The following TRPC7 variants were observed in gnomAD, a reference collection of about 807,000 sequenced individuals.
TRPC7 encodes the protein short transient receptor potential channel 7.
TRPC7 carries 42 observed loss-of-function variants against 90.1 expected under a neutral mutation model. The observed-to-expected ratio is 0.47, with a 90% confidence interval of 0.36 to 0.60. TRPC7 has a LOEUF of 0.60. Ranked by LOEUF, TRPC7 falls within the 20% of genes least tolerant of loss-of-function variation. The probability of loss-of-function intolerance (pLI) is 0.00; values close to 1 mark genes in which losing one functional copy is unlikely to be tolerated. For synonymous variants in TRPC7, 451 were observed against 436.3 expected, an observed-to-expected ratio of 1.03 and a Z score of -0.42; for missense variants, 955 against 1,112.3, an observed-to-expected ratio of 0.86 and a Z score of 2.01.
rs117598324 is a variant in TRPC7 at position 136,225,853 on chromosome 5, C to A, written c.2262+181G>T. Among the ~76,000 whole-genome samples the A allele has an allele frequency of 9.9e-5, 15 of 152,182 alleles. No individual in the cohort carries two copies. In the East Asian group the frequency reaches 2.9e-3, roughly 30 times the overall value. On this transcript the variant is annotated intron_variant, in intron 9 of 11. Transcript: ENST00000513104. The stretch of plus-strand genomic sequence containing the variant: ...AGGAGAAAGGAGGGTATCACAGTAG[C>A]CTCTGCTGGCATTGGAGCTTTCAGA...
intron 3 of TRPC7, among the ~76,000 whole-genome samples, chr5:136,301,389 C>CA (rs199545901): frequency 0.044 from 6,141 of 138,166 alleles, 203 homozygotes; most frequent in Middle Eastern, 0.071. Context: ...GGCCTCTGAA[C>CA]CCAAGCCAAG....
At position 136,332,096 on chromosome 5, in the gene TRPC7, G is replaced by A. The variant is rs573354760; in HGVS notation, c.781-16317C>T. ...AGATGTGAACCAGGAACTCCCTGAT[G>A]AGGTGATTTTGAATAGAGAGTTGAA... On this transcript the variant is annotated intron_variant, in intron 2 of 11. Transcript: ENST00000513104. 2.4e-3 allele frequency among the ~76,000 whole-genome samples: 367 copies of A among 152,242 alleles called. 1 individual carries two copies. The highest frequency in any genetic ancestry group is 4.2e-3 in the Non-Finnish European group (288 of 68,018).
At chr5:136,323,175 G>C in intron 2 of TRPC7, among the ~76,000 whole-genome samples, 1 of 152,214 alleles carries the variant, frequency 6.6e-6, no homozygotes, top group East Asian at 1.9e-4. Context: ...CCTTTCACTT[G>C]GCTCTCATTC....
Position 136,251,800 on chromosome 5 carries a change from G to A in TRPC7, c.1428C>T (p.Phe476=), listed in dbSNP as rs766782300. The change falls in exon 6 of 12, where the codon TTC becomes TTT. Residue 476 remains phenylalanine, a synonymous_variant. Coordinates refer to ENST00000513104, the MANE Select transcript of TRPC7 (RefSeq NM_020389.3). ...YVLHLWNLLD[F]GMLSIFVASF... ...AGGCCACGAAGATGGACAGCATCCC[G>A]AAATCTAGCAGGTTCCACAAGTGCA... 2 of 1,613,996 alleles carry A rather than the reference G, an allele frequency of 1.2e-6. No individual in the cohort carries two copies. Among genetic ancestry groups the A allele is most frequent in the East Asian group, 2.2e-5 (1 of 44,870 alleles).
At chr5:136,347,222 T>G (rs1760037157) in intron 2 of TRPC7, among the ~76,000 whole-genome samples, 1 of 152,174 alleles carries the variant, frequency 6.6e-6, no homozygotes, top group South Asian at 2.1e-4. Context: ...AGTCACCACG[T>G]TTGTGCTACT....
chr5:136,332,232 G>A (rs112599901), intron 2 of TRPC7, among the ~76,000 whole-genome samples: 249 of 152,196 alleles, frequency 1.6e-3, no homozygotes, highest in Non-Finnish European at 2.5e-3. Flanking sequence ...GAGTGTCTGG[G>A]GTTTTTGAGG....
chr5:136,226,453 G>C (rs1755634785), intron 8 of TRPC7, 198 bp from the exon 9 acceptor site: 4 of 586,224 alleles, frequency 6.8e-6, no homozygotes, highest in Admixed American at 3.1e-5. Context: ...CTTTCTGCCT[G>C]TCTTCTTTGG....
At chr5:136,217,726 T>C (rs1364893325) in intron 10 of TRPC7, among the ~76,000 whole-genome samples, 1 of 151,992 alleles carries the variant, frequency 6.6e-6, no homozygotes, top group East Asian at 1.9e-4. Context: ...AAAAAATATA[T>C]CCCTTTCAAG....
At chr5:136,297,261 C>G (rs1035945307) in intron 3 of TRPC7, among the ~76,000 whole-genome samples, 19 of 152,130 alleles carry the variant, frequency 1.2e-4, no homozygotes, top group Non-Finnish European at 2.6e-4. Flanking sequence ...TCCTGACAAA[C>G]AGGGGCTGGG....
At chr5:136,244,684 G>A (rs1216599070) in intron 7 of TRPC7, among the ~76,000 whole-genome samples, 3 of 152,260 alleles carry the variant, frequency 2.0e-5, no homozygotes, top group Non-Finnish European at 4.4e-5. Flanking sequence ...TCCATGTTCA[G>A]TAGCAATGCA....
Position 136,225,333 on chromosome 5 carries a change from T to A in TRPC7, c.2284A>T (p.Met762Leu), listed in dbSNP as rs762604469. The change falls in exon 10 of 12, where the codon ATG becomes TTG. Residue 762 changes from methionine (M) to leucine (L), a missense_variant. By Grantham distance (15) the Met-to-Leu change is conservative. Around this residue, in one of 4 missense-constraint regions of TRPC7, gnomAD observed 296 missense variants for 422.7 expected, o/e 0.70. Coordinates refer to ENST00000513104, the MANE Select transcript of TRPC7 (RefSeq NM_020389.3). ...GCTGTCAGATTTTCAGAATTCCTCA[T>A]GCCAGCCTGGTAGCGAGTCTTCTGG... ...KFKKTRYQAG[M>L]RNSENLTANN... The A allele has an allele frequency of 5.6e-6, 9 of 1,612,828 alleles. No homozygotes were observed. Among genetic ancestry groups the A allele is most frequent in the Non-Finnish European group, 6.8e-6 (8 of 1,179,596 alleles).
intron 3 of TRPC7, chr5:136,314,356 G>A (rs1313815062): frequency 6.6e-6 from 1 of 152,216 alleles, no homozygotes; most frequent in Admixed American, 6.5e-5. Flanking sequence ...GCCCCAGCGA[G>A]CTCTTGGTTT....
intron 4 of TRPC7, among the ~76,000 whole-genome samples, chr5:136,267,108 A>C (rs1183454243): frequency 2.0e-5 from 3 of 152,142 alleles, no homozygotes; most frequent in Admixed American, 1.3e-4. Flanking sequence ...CTATGATGGT[A>C]TTCTAAAATT....
intron 10 of TRPC7, among the ~76,000 whole-genome samples, chr5:136,220,692 C>A (rs185192768): frequency 2.6e-5 from 4 of 152,156 alleles, no homozygotes; most frequent in African/African-American, 9.7e-5. Context: ...GCCTTGTGAT[C>A]TTTATTGGCC....
chr5:136,277,372 A>G (rs994847829), intron 3 of TRPC7, among the ~76,000 whole-genome samples: 4 of 152,252 alleles, frequency 2.6e-5, no homozygotes, highest in Admixed American at 6.5e-5. Flanking sequence ...GTTTATTTGT[A>G]GATAGACTTT....
chr5:136,305,777 C>A (rs945169932), intron 3 of TRPC7, among the ~76,000 whole-genome samples: 3 of 152,140 alleles, frequency 2.0e-5, no homozygotes, highest in African/African-American at 7.2e-5. Flanking sequence ...TTCCGTGAAA[C>A]CTTTATATCC....
intron 3 of TRPC7, among the ~76,000 whole-genome samples, chr5:136,297,446 T>A (rs1368509178): frequency 6.6e-6 from 1 of 152,078 alleles, no homozygotes; most frequent in East Asian, 1.9e-4. Flanking sequence ...CATAAAAAAA[T>A]GAATTCATTT....
intron 2 of TRPC7, among the ~76,000 whole-genome samples, chr5:136,343,738 C>T (rs1187737359): frequency 6.6e-6 from 1 of 152,134 alleles, no homozygotes; most frequent in African/African-American, 2.4e-5. Flanking sequence ...AACATTGTGA[C>T]AGGTGATGGA....
At chr5:136,291,883 T>C (rs552436167) in intron 3 of TRPC7, among the ~76,000 whole-genome samples, 17 of 152,214 alleles carry the variant, frequency 1.1e-4, no homozygotes, top group African/African-American at 3.6e-4. Flanking sequence ...ATTGACCACA[T>C]AGTTGGAAGT....
Sources: gnomAD v4.1 joint callset for allele counts (sites outside exome capture counted in the v4.1 genomes callset) on GRCh38, gnomAD v4.1.1 for gene constraint, gnomAD v4.1.1 regional missense constraint, MANE v1.5 for transcripts, NCBI Gene and HGNC (gene_info 2026-07-23, HGNC 2026-07-21) for gene names.